ANKRD36C: variants seen among roughly 807,000 people sequenced by gnomAD.
The protein encoded by ANKRD36C is ankyrin repeat domain-containing protein 36C.
A neutral mutation model predicts 276.4 loss-of-function variants in ANKRD36C; 61 were observed. That is an observed-to-expected ratio of 0.22 (90% CI 0.18 to 0.27). The LOEUF is 0.27. Among genes scored for constraint, ANKRD36C ranks in the 10% least tolerant of loss-of-function variants. The probability of loss-of-function intolerance (pLI) is 1.00; values close to 1 mark genes in which losing one functional copy is unlikely to be tolerated. For synonymous variants in ANKRD36C, 483 were observed against 680.1 expected (o/e 0.71, Z 4.51); for missense variants, 1,447 against 2,032.3 (o/e 0.71, Z 5.54).
At chr2:95,926,618 CCTGCTTCCA>C (rs1291726051) in intron 28 of ANKRD36C, among the ~76,000 whole-genome samples, 1 of 151,546 alleles carries the variant, frequency 6.6e-6, no homozygotes, top group Non-Finnish European at 1.5e-5. Flanking sequence ...AGTACTCCTT[CCTGCTTCCA>C]CTGTTTCCTA....
chr2:95,914,838 A>G (rs895088745), intron 38 of ANKRD36C, among the ~76,000 whole-genome samples: 1 of 151,516 alleles, frequency 6.6e-6, no homozygotes, highest in African/African-American at 2.4e-5. Flanking sequence ...ATCACTTTGG[A>G]TACCTGTTTG....
chr2:95,871,248 G>A lies in ANKRD36C; in HGVS notation c.3541-3667C>T, dbSNP rs544802046. 3.6e-4 allele frequency among the ~76,000 whole-genome samples: 55 copies of A among 152,248 alleles called. 3 individuals are homozygous for A. The East Asian group carries it at 8.3e-3, about 23-fold the overall frequency. On this transcript the variant is annotated intron_variant, in intron 59 of 66. Coordinates refer to ENST00000456556, the Ensembl canonical transcript of ANKRD36C. ...CCAAAGTTGAAATGAAGGAAAAAAT[G>A]TTAAGGGCAGCCAGAGAGAAAGGTC...
chr2:95,923,257 G>T (rs1677319809), intron 32 of ANKRD36C, among the ~76,000 whole-genome samples: 4 of 151,504 alleles, frequency 2.6e-5, no homozygotes, highest in African/African-American at 9.7e-5. Flanking sequence ...GTCTTGATCT[G>T]CTCTCCAATG....
chr2:95,967,564 G>A (rs529761566), intron 6 of ANKRD36C, among the ~76,000 whole-genome samples: 11 of 152,268 alleles, frequency 7.2e-5, no homozygotes, highest in African/African-American at 2.6e-4. Context: ...TTCAACCATT[G>A]TGGAAGACAG....
At chr2:95,921,746 T>A (rs1161160738) in intron 33 of ANKRD36C, 36 bp downstream of exon 33, 1 of 1,596,226 alleles carries the variant, frequency 6.3e-7, no homozygotes, top group East Asian at 2.3e-5. Context: ...AGACTATAGA[T>A]TCACTAGTTC....
chr2:95,914,331 C>T, intron 38 of ANKRD36C, 28 bp from the exon 41 acceptor site: 4 of 1,546,084 alleles, frequency 2.6e-6, no homozygotes, highest in Non-Finnish European at 3.5e-6. Flanking sequence ...TTCATAATCA[C>T]TCATATGTAA....
chr2:95,948,928 A>G (rs1274817620), intron 16 of ANKRD36C, among the ~76,000 whole-genome samples: 1 of 152,132 alleles, frequency 6.6e-6, no homozygotes, highest in East Asian at 1.9e-4. Flanking sequence ...ATCTACCCTA[A>G]AGACTAAACT....
intron 6 of ANKRD36C, among the ~76,000 whole-genome samples, chr2:95,969,550 A>G (rs1678658128): frequency 6.6e-6 from 1 of 152,182 alleles, no homozygotes; most frequent in Non-Finnish European, 1.5e-5. Flanking sequence ...TACACATTAT[A>G]TATGATATCT....
At chr2:95,926,319 T>C (rs1677402153) in intron 28 of ANKRD36C, among the ~76,000 whole-genome samples, 1 of 151,650 alleles carries the variant, frequency 6.6e-6, no homozygotes, top group South Asian at 2.1e-4. Flanking sequence ...CCTTTTACAT[T>C]TGGAAATCCC....
At chr2:95,987,900 TCTCA>T (rs963682830) in intron 1 of ANKRD36C, among the ~76,000 whole-genome samples, 4 of 152,244 alleles carry the variant, frequency 2.6e-5, no homozygotes, top group Middle Eastern at 3.4e-3. Flanking sequence ...ATGCTCATTT[TCTCA>T]CTATTCTCTT....
chr2:95,954,068 G>A (rs951417709), intron 13 of ANKRD36C, 63 bp from the exon 14 acceptor site: 25 of 1,529,838 alleles, frequency 1.6e-5, no homozygotes, highest in South Asian at 6.0e-5. Context: ...AACAAAAACC[G>A]TCAGTCTATA....
Position 95,976,600 on chromosome 2 carries a change from C to T in ANKRD36C, c.799+1522G>A, listed in dbSNP as rs575127181. On this transcript the variant is annotated intron_variant, in intron 6 of 66. Coordinates refer to ENST00000456556, the Ensembl canonical transcript of ANKRD36C. The stretch of plus-strand genomic sequence containing the variant: ...TTCTGTAAAAGCGTGGGCACATGTA[C>T]TCAGAAGTCAAGACCATTTTCCCTG... Among the ~76,000 whole-genome samples the T allele has an allele frequency of 4.3e-4, 66 of 152,272 alleles. 1 individual carries two copies. In the East Asian group the frequency reaches 0.012, roughly 28 times the overall value.
chr2:95,934,672 T>C (rs1362964068), intron 24 of ANKRD36C, among the ~76,000 whole-genome samples: 1 of 152,312 alleles, frequency 6.6e-6, no homozygotes, highest in African/African-American at 2.4e-5. Flanking sequence ...GGTTGATGGG[T>C]ACAGTAAACC....
intron 59 of ANKRD36C, among the ~76,000 whole-genome samples, chr2:95,868,613 CAAGCATA>C (rs1249445339): frequency 1.3e-5 from 2 of 148,734 alleles, no homozygotes; most frequent in Admixed American, 6.7e-5. Flanking sequence ...AGGTGACTGG[CAAGCATA>C]TTCTGGGGAC....
exon 1 of ANKRD36C, chr2:95,991,715 C>A (rs752249180): frequency 6.2e-7 from 1 of 1,612,092 alleles, no homozygotes; most frequent in Non-Finnish European, 8.5e-7. Context: ...CCATAATGGT[C>A]GGCTGCAAAT....
chr2:95,850,744 T>C (rs1310183981), downstream of ANKRD36C, among the ~76,000 whole-genome samples: 5 of 152,358 alleles, frequency 3.3e-5, no homozygotes, highest in Non-Finnish European at 7.4e-5. Context: ...ACTGGTCAAG[T>C]GACTGCTTGT....
At chr2:95,987,311 A>G in intron 1 of ANKRD36C, 105 bp from the exon 2 acceptor site, 1 of 1,479,982 alleles carries the variant, frequency 6.8e-7, no homozygotes, top group African/African-American at 1.4e-5. Context: ...TGAAGAAAGT[A>G]CATTTGTTAG....
At chr2:95,930,202 C>T (rs1460618662) in intron 24 of ANKRD36C, among the ~76,000 whole-genome samples, 6 of 151,504 alleles carry the variant, frequency 4.0e-5, no homozygotes. Flanking sequence ...AAAACAAAGC[C>T]AATGTATGCA....
chr2:95,910,044 C>T (rs1428151667), intron 42 of ANKRD36C, among the ~76,000 whole-genome samples: 1 of 151,274 alleles, frequency 6.6e-6, no homozygotes, highest in Non-Finnish European at 1.5e-5. Flanking sequence ...AAAATCGATA[C>T]TTCCTCTCTT....
Sources: allele counts gnomAD v4.1 joint callset (sites outside exome capture counted in the v4.1 genomes callset), GRCh38; gene constraint gnomAD v4.1.1; transcripts MANE v1.5; gene names NCBI Gene and HGNC (gene_info 2026-07-23, HGNC 2026-07-21).